Variants in XXYLT1 observed in about 807,000 individuals in gnomAD.
XXYLT1 encodes the protein xyloside xylosyltransferase 1.
A neutral mutation model predicts 28.9 loss-of-function variants in XXYLT1; 20 were observed. The observed-to-expected ratio is 0.69, with a 90% CI of 0.49 to 1.00. The LOEUF is 1.00. XXYLT1 is among the 50% of genes least tolerant of loss of function. The pLI is 0.00. For synonymous variants in XXYLT1, 257 were observed against 253.8 expected, an observed-to-expected ratio of 1.01 and a Z score of -0.12; for missense variants, 542 against 560.1, an observed-to-expected ratio of 0.97 and a Z score of 0.33.
chr3:195,184,038 G>C (rs1722070024), intron 2 of XXYLT1, among the ~76,000 whole-genome samples: 1 of 152,198 alleles, frequency 6.6e-6, no homozygotes, highest in Non-Finnish European at 1.5e-5. Context: ...CAAAGGAAGA[G>C]AAAGAGAAAA....
At chr3:195,231,456 T>C (rs1413707060) in intron 1 of XXYLT1, among the ~76,000 whole-genome samples, 1 of 152,150 alleles carries the variant, frequency 6.6e-6, no homozygotes, top group Non-Finnish European at 1.5e-5. Context: ...TCCTTGTTAT[T>C]TCAGATCTTA....
intron 3 of XXYLT1, among the ~76,000 whole-genome samples, chr3:195,094,881 CAGA>C (rs1305606730): frequency 1.3e-5 from 2 of 152,230 alleles, no homozygotes; most frequent in Non-Finnish European, 2.9e-5. Context: ...ACTGGCCCTC[CAGA>C]AGGTTTTCTC....
At chr3:195,094,849 T>C (rs138435746) in intron 3 of XXYLT1, among the ~76,000 whole-genome samples, 2,635 of 152,328 alleles carry the variant, frequency 0.017, 192 homozygotes, top group Admixed American at 0.14. Flanking sequence ...ACCACGCACC[T>C]GTTCTGTGGC....
chr3:195,196,967 T>C (rs1294815680), intron 2 of XXYLT1, among the ~76,000 whole-genome samples: 1 of 152,010 alleles, frequency 6.6e-6, no homozygotes. Context: ...TAAAACCCGG[T>C]GTTGTCAATT....
At position 195,255,380 on chromosome 3, in the gene XXYLT1, G is replaced by A. The variant is rs1725440803; in HGVS notation, c.504+15175C>T. On this transcript the variant is annotated intron_variant, in intron 1 of 3. Coordinates refer to ENST00000310380, the MANE Select transcript of XXYLT1 (RefSeq NM_152531.5). The surrounding 1 kb of genome is among the most constrained non-coding windows in gnomAD (Gnocchi z 4.5). ...GCCCCCAGCAGGACCCAGTCGGGCTGGGGACTCAGCTCCATCCAAGTGGGC... is the reference window on the plus strand; with the variant it reads ...GCCCCCAGCAGGACCCAGTCGGGCTAGGGACTCAGCTCCATCCAAGTGGGC... Among the ~76,000 whole-genome samples the A allele has an allele frequency of 6.6e-6, 1 of 152,168 alleles. No individual in the cohort carries two copies. The highest frequency in any genetic ancestry group is 2.4e-5 in the African/African-American group (1 of 41,442).
At chr3:195,100,138 C>T (rs891865542) in intron 3 of XXYLT1, among the ~76,000 whole-genome samples, 7 of 152,188 alleles carry the variant, frequency 4.6e-5, no homozygotes, top group Admixed American at 2.0e-4. Flanking sequence ...AAACCAATCT[C>T]CCCGCCACCA....
intron 1 of XXYLT1, among the ~76,000 whole-genome samples, chr3:195,233,964 T>C (rs1296414150): frequency 1.3e-5 from 2 of 152,164 alleles, no homozygotes; most frequent in Non-Finnish European, 2.9e-5. Context: ...TCACCCAGCA[T>C]GGAGTGCAGT....
chr3:195,222,447 C>T (rs1723867516), intron 2 of XXYLT1, among the ~76,000 whole-genome samples: 1 of 152,202 alleles, frequency 6.6e-6, no homozygotes. Context: ...CAGAAGCTCA[C>T]CTGTGTGAGT....
intron 2 of XXYLT1, among the ~76,000 whole-genome samples, chr3:195,221,366 C>T (rs1262294795): frequency 6.6e-6 from 1 of 152,206 alleles, no homozygotes; most frequent in Non-Finnish European, 1.5e-5. Context: ...CTGACATGAG[C>T]CCATGAAGCA....
intron 1 of XXYLT1, among the ~76,000 whole-genome samples, chr3:195,266,061 T>C (rs1415107287): frequency 6.6e-6 from 1 of 152,136 alleles, no homozygotes; most frequent in East Asian, 1.9e-4. Context: ...AGACAACAGA[T>C]GCTCAGAAGC....
intron 1 of XXYLT1, among the ~76,000 whole-genome samples, chr3:195,228,957 C>T (rs543822477): frequency 2.0e-5 from 3 of 151,852 alleles, no homozygotes; most frequent in African/African-American, 7.3e-5. Flanking sequence ...GGATTACAGG[C>T]GCCCACCACC....
intron 3 of XXYLT1, among the ~76,000 whole-genome samples, chr3:195,137,594 C>T (rs1719265967): frequency 6.6e-6 from 1 of 152,228 alleles, no homozygotes; most frequent in African/African-American, 2.4e-5. Context: ...AGGACAAATT[C>T]CTTCTGGCTT....
At position 195,088,102 on chromosome 3, in the gene XXYLT1, T is replaced by C. The variant is rs1009624477; in HGVS notation, c.786-17991A>G. Among the ~76,000 whole-genome samples, 493 of 151,640 alleles carry C rather than the reference T, an allele frequency of 3.3e-3. 4 individuals carry two copies. Among genetic ancestry groups the C allele is most frequent in the Non-Finnish European group, 4.5e-3 (307 of 67,848 alleles). On this transcript the variant is annotated intron_variant, in intron 3 of 3. Transcript: ENST00000310380. ...TCAAACTGCAAGGTGGCAGCGAGGC[T>C]GGGGGAGGGGCGCCCGCCATTGCCC...
intron 3 of XXYLT1, among the ~76,000 whole-genome samples, chr3:195,109,424 TTGG>T (rs1000564242): frequency 2.7e-5 from 4 of 148,828 alleles, no homozygotes; most frequent in South Asian, 2.1e-4. Context: ...GGTGTGTGTG[TTGG>T]TGGTGTATGA....
rs191614044 is a variant in XXYLT1 at position 195,133,821 on chromosome 3, G to A, written c.785+22628C>T. 6.6e-6 allele frequency among the ~76,000 whole-genome samples: 1 copy of A among 152,336 alleles called. No individual in the cohort carries two copies. The highest frequency in any genetic ancestry group is 6.5e-5 in the Admixed American group (1 of 15,304). On this transcript the variant is annotated intron_variant, in intron 3 of 3. Transcript: ENST00000310380. This position sits in a 1 kb window ranked among gnomAD's most constrained non-coding sequence, Gnocchi z 4.4. ...TCCTGACCCTGTGCAGGCCTAGGCTGATGTATGTGTTTGGCTTGTTTTTAA... is the reference window on the plus strand; with the variant it reads ...TCCTGACCCTGTGCAGGCCTAGGCTAATGTATGTGTTTGGCTTGTTTTTAA...
intron 2 of XXYLT1, among the ~76,000 whole-genome samples, chr3:195,186,844 G>A (rs1420366512): frequency 6.6e-6 from 1 of 151,440 alleles, no homozygotes; most frequent in East Asian, 2.0e-4. Context: ...GTGAAGTGCT[G>A]GTGATAACCT....
chr3:195,129,505 C>T lies in XXYLT1; in HGVS notation c.785+26944G>A, dbSNP rs573626573. Among the ~76,000 whole-genome samples the T allele has an allele frequency of 1.3e-5, 2 of 152,320 alleles. No homozygotes were observed. The highest frequency in any genetic ancestry group is 4.8e-5 in the African/African-American group (2 of 41,584). On this transcript the variant is annotated intron_variant, in intron 3 of 3. Coordinates refer to ENST00000310380, the MANE Select transcript of XXYLT1 (RefSeq NM_152531.5). The surrounding 1 kb of genome is among the most constrained non-coding windows in gnomAD (Gnocchi z 4.4). The stretch of plus-strand genomic sequence containing the variant: ...ATATAGTGCGGTCTTCTGTGACGGG[C>T]TTCTTTCACTCGTCTTAATGCTTTC...
chr3:195,143,853 TAGATATATATAGATATAGATATA>T (rs1719668696), intron 3 of XXYLT1, among the ~76,000 whole-genome samples: 3 of 111,222 alleles, frequency 2.7e-5, no homozygotes, highest in South Asian at 3.2e-4. Flanking sequence ...GATATATATA[TAGATATATATAGATATAGATATA>T]TATATATATA....
intron 2 of XXYLT1, among the ~76,000 whole-genome samples, chr3:195,186,199 CTGGAACTCTTCG>C (rs1400739888): frequency 5.3e-5 from 8 of 152,234 alleles, no homozygotes; most frequent in Admixed American, 1.3e-4. Context: ...AACCCAACAA[CTGGAACTCTTCG>C]TTGAGCTTCA....
Sources: allele counts gnomAD v4.1 joint callset (sites outside exome capture counted in the v4.1 genomes callset), GRCh38; gene constraint gnomAD v4.1.1; non-coding constraint Gnocchi (gnomAD v3.1); transcripts MANE v1.5; gene names NCBI Gene and HGNC (gene_info 2026-07-23, HGNC 2026-07-21).